FUT8: variants seen among roughly 807,000 people sequenced by gnomAD.
FUT8 encodes the protein alpha-(1,6)-fucosyltransferase.
A neutral mutation model predicts 71.3 loss-of-function variants in FUT8; 29 were observed. The observed-to-expected ratio is 0.41, with a 90% CI of 0.30 to 0.55. The LOEUF (loss-of-function observed/expected upper bound fraction) is 0.55. Ranked by LOEUF, FUT8 falls within the 20% of genes least tolerant of loss-of-function variation. The pLI, the probability that FUT8 is intolerant of heterozygous loss-of-function variation, is 0.34. For missense variants in FUT8, 544 were observed against 702.1 expected, an observed-to-expected ratio of 0.77 and a Z score of 2.55; for synonymous variants, 254 against 239.3, an observed-to-expected ratio of 1.06 and a Z score of -0.57.
the FUT8 span, among the ~76,000 whole-genome samples, chr14:65,383,276 T>TTTTTTC: frequency 9.0e-5 from 9 of 100,488 alleles, no homozygotes; most frequent in South Asian, 3.4e-3. Flanking sequence ...TTTTTTTTTT[T>TTTTTTC]TTTTTTTTTT....
chr14:65,379,947 G>T, the FUT8 span, among the ~76,000 whole-genome samples: 3 of 152,116 alleles, frequency 2.0e-5, no homozygotes, highest in African/African-American at 4.8e-5. Flanking sequence ...CTTTTATAAG[G>T]CACTAATCTA....
At chr14:65,524,157 C>T (rs1408894062) in intron 2 of FUT8, among the ~76,000 whole-genome samples, 2 of 152,156 alleles carry the variant, frequency 1.3e-5, no homozygotes, top group South Asian at 2.1e-4. Flanking sequence ...TATAAATTCC[C>T]TTGGGCAGTA....
At chr14:65,422,933 C>T (rs1294024350) in intron 1 of FUT8, among the ~76,000 whole-genome samples, 1 of 151,894 alleles carries the variant, frequency 6.6e-6, no homozygotes, top group Non-Finnish European at 1.5e-5. Context: ...GCTGGGATTA[C>T]AGGGATGAGC....
intron 1 of FUT8, among the ~76,000 whole-genome samples, chr14:65,427,052 CAG>C (rs2065400039): frequency 6.6e-6 from 1 of 151,994 alleles, no homozygotes; most frequent in Admixed American, 6.6e-5. Flanking sequence ...TTAGTAGAAA[CAG>C]GGTTTCACCA....
intron 2 of FUT8, among the ~76,000 whole-genome samples, chr14:65,554,474 T>G (rs11623662): frequency 0.62 from 90,851 of 147,594 alleles, 28,162 homozygotes; most frequent in East Asian, 0.77. Flanking sequence ...TATCTCATGG[T>G]TTTTTTGTTG....
intron 2 of FUT8, among the ~76,000 whole-genome samples, chr14:65,527,473 T>C (rs936378891): frequency 1.3e-5 from 2 of 152,198 alleles, no homozygotes; most frequent in African/African-American, 4.8e-5. Context: ...GTCTAATCTT[T>C]TTTCAAGGTT....
intron 2 of FUT8, among the ~76,000 whole-genome samples, chr14:65,544,486 A>G (rs543409412): frequency 1.3e-5 from 2 of 152,146 alleles, no homozygotes; most frequent in Non-Finnish European, 1.5e-5. Flanking sequence ...GGTGATATAT[A>G]TACACATTTC....
chr14:65,718,952 G>A (rs1038003603), intron 7 of FUT8, among the ~76,000 whole-genome samples: 28 of 151,924 alleles, frequency 1.8e-4, no homozygotes, highest in African/African-American at 6.5e-4. Flanking sequence ...GTCTTCTTTG[G>A]GTTAAATCTG....
rs535252741 is a variant in FUT8, at chr14:65,456,645, C to T, written c.-228+927C>T. Among the ~76,000 whole-genome samples the T allele has an allele frequency of 2.2e-3, 337 of 151,930 alleles. 1 individual carries two copies. Among genetic ancestry groups the T allele is most frequent in the Middle Eastern group, 0.017 (5 of 294 alleles). On this transcript the variant is annotated intron_variant, in intron 2 of 10. Coordinates refer to ENST00000673929, the MANE Select transcript of FUT8 (RefSeq NM_001371533.1). ...ATCCCAGCACTTTGGGAGGCTGAGGCGGGCGGATCATGAGGTCAAGAGATC... is the reference window on the plus strand; with the variant it reads ...ATCCCAGCACTTTGGGAGGCTGAGGTGGGCGGATCATGAGGTCAAGAGATC...
At chr14:65,623,699 CAG>C (rs1889745717) in intron 5 of FUT8, among the ~76,000 whole-genome samples, 1 of 152,142 alleles carries the variant, frequency 6.6e-6, no homozygotes, top group African/African-American at 2.4e-5. Flanking sequence ...GCTTGGGCGA[CAG>C]AGAGAGACTC....
chr14:65,357,686 A>G, the FUT8 span, among the ~76,000 whole-genome samples: 1 of 152,196 alleles, frequency 6.6e-6, no homozygotes, highest in Admixed American at 6.5e-5. Flanking sequence ...TAGCTGCATA[A>G]TCTTGGACAG....
chr14:65,672,132 T>A (rs1323307176), intron 7 of FUT8, among the ~76,000 whole-genome samples: 1 of 152,244 alleles, frequency 6.6e-6, no homozygotes, highest in African/African-American at 2.4e-5. Context: ...TCCATTATTT[T>A]ATGTTTGTGT....
intron 7 of FUT8, among the ~76,000 whole-genome samples, chr14:65,685,031 A>G (rs1405627082): frequency 6.6e-6 from 1 of 152,178 alleles, no homozygotes; most frequent in East Asian, 1.9e-4. Flanking sequence ...AAACTCACAG[A>G]AAAGGATTGT....
At chr14:65,380,760 A>G in the FUT8 span, among the ~76,000 whole-genome samples, 1 of 152,222 alleles carries the variant, frequency 6.6e-6, no homozygotes, top group Admixed American at 6.5e-5. Context: ...ATGTCAATGA[A>G]GGAAATCCTT....
chr14:65,527,736 G>C (rs1883595469), intron 2 of FUT8, among the ~76,000 whole-genome samples: 1 of 152,162 alleles, frequency 6.6e-6, no homozygotes, highest in Non-Finnish European at 1.5e-5. Flanking sequence ...TGGAGTGGAA[G>C]TCATTTCTGT....
the FUT8 span, among the ~76,000 whole-genome samples, chr14:65,375,111 G>A: frequency 5.9e-3 from 900 of 152,208 alleles, 34 homozygotes; most frequent in East Asian, 0.095. Context: ...AATCCTAAGG[G>A]TATATGAAGT....
At chr14:65,685,130 A>G (rs1023884205) in intron 7 of FUT8, among the ~76,000 whole-genome samples, 2 of 152,206 alleles carry the variant, frequency 1.3e-5, no homozygotes, top group Non-Finnish European at 2.9e-5. Flanking sequence ...AGAAATAGGA[A>G]GATAAAAGCT....
intron 1 of FUT8, among the ~76,000 whole-genome samples, chr14:65,418,663 T>G (rs2065252127): frequency 1.3e-5 from 2 of 152,108 alleles, no homozygotes; most frequent in African/African-American, 2.4e-5. Flanking sequence ...TGAGCTTGCC[T>G]TATTTGGAGA....
intron 2 of FUT8, among the ~76,000 whole-genome samples, chr14:65,554,840 T>C (rs1049985591): frequency 1.3e-5 from 2 of 152,210 alleles, no homozygotes; most frequent in Admixed American, 1.3e-4. Flanking sequence ...TCATATTCTT[T>C]GTAACTTTTG....
Sources: gnomAD v4.1 joint callset for allele counts (sites outside exome capture counted in the v4.1 genomes callset) on GRCh38, gnomAD v4.1.1 for gene constraint, MANE v1.5 for transcripts, NCBI Gene and HGNC (gene_info 2026-07-23, HGNC 2026-07-21) for gene names.